Variants in DAZL observed in about 807,000 individuals in gnomAD.
The protein encoded by DAZL is deleted in azoospermia like.
A neutral mutation model predicts 45.0 loss-of-function variants in DAZL; 4 were observed. The ratio of observed to expected loss-of-function variants is 0.09; its 90% CI spans 0.04 to 0.20. DAZL has a LOEUF of 0.20. Ranked by LOEUF, DAZL falls within the 10% of genes least tolerant of loss-of-function variation. The pLI is 1.00. For missense variants in DAZL, 326 were observed against 351.3 expected, an observed-to-expected ratio of 0.93 and a Z score of 0.58; for synonymous variants, 122 against 112.4, an observed-to-expected ratio of 1.09 and a Z score of -0.54.
chr3:16,592,276 A>T (rs1694532690), intron 9 of DAZL, 128 bp from the exon 10 acceptor site: 22 of 1,401,890 alleles, frequency 1.6e-5, no homozygotes, highest in Non-Finnish European at 2.1e-5. Flanking sequence ...GCTAAAAGAG[A>T]CTGGGAGTGG....
At chr3:16,595,535 G>A (rs2195154) in intron 6 of DAZL, 150 bp from the exon 7 acceptor site, 74,903 of 528,806 alleles carry the variant, frequency 0.14, 7,221 homozygotes, top group East Asian at 0.41. Flanking sequence ...CTGACTTTAT[G>A]AAGAAAGAAA....
chr3:16,605,393 G>T lies in DAZL; in HGVS notation c.-188C>A, dbSNP rs928695225. ...ACAAGGCTGAGGAGCCCCGAAAGGC[G>T]GACCGTCAGGCTGAGGAGCGCAGGC... On this transcript the variant is annotated 5_prime_UTR_variant, in exon 1 of 11. Coordinates refer to ENST00000399444, the MANE Select transcript of DAZL (RefSeq NM_001351.4). The T allele has an allele frequency of 2.9e-5, 21 of 714,118 alleles. No individual in the cohort carries two copies. The highest frequency in any genetic ancestry group is 1.8e-4 in the African/African-American group (10 of 56,970). 44.2% of individuals were successfully genotyped at this position (714,118 alleles called of 1,614,324 possible). A position where few individuals can be genotyped will look rare whatever the true frequency, so the allele number is the denominator to read the frequency against.
intron 1 of DAZL, among the ~76,000 whole-genome samples, chr3:16,601,735 T>C (rs1184456100): frequency 6.6e-6 from 1 of 151,440 alleles, no homozygotes; most frequent in Non-Finnish European, 1.5e-5. Flanking sequence ...TGGTGAATTT[T>C]GAAATGAGAA....
intron 10 of DAZL, 50 bp from the exon 11 acceptor site, chr3:16,588,763 C>T: frequency 1.4e-6 from 2 of 1,427,892 alleles, no homozygotes; most frequent in Non-Finnish European, 2.0e-6. Context: ...TTTCTGATTA[C>T]TACTATAGAT....
chr3:16,604,941 C>A (rs1223269452), intron 1 of DAZL, among the ~76,000 whole-genome samples: 1 of 152,220 alleles, frequency 6.6e-6, no homozygotes, highest in Non-Finnish European at 1.5e-5. Flanking sequence ...GGCCCTTGCA[C>A]GTGGCCGGCG....
rs1415312531 is a variant in DAZL at position 16,588,524 on chromosome 3, G to C, written c.*136C>G. The C allele has an allele frequency of 5.5e-6, 4 of 730,762 alleles. No individual in the cohort carries two copies. Among genetic ancestry groups the C allele is most frequent in the South Asian group, 4.4e-5 (3 of 68,074 alleles). 45.3% of individuals were successfully genotyped at this position (730,762 alleles called of 1,614,324 possible). A position where few individuals can be genotyped will look rare whatever the true frequency, so the allele number is the denominator to read the frequency against. On this transcript the variant is annotated 3_prime_UTR_variant, in exon 11 of 11. Transcript: ENST00000399444. ...TGAAGAACAGTTTAAGATAAAACTA[G>C]AGAGTCTAATAATACAACTTATACA...
intron 1 of DAZL, among the ~76,000 whole-genome samples, chr3:16,603,698 T>A (rs1381887279): frequency 6.6e-6 from 1 of 152,188 alleles, no homozygotes; most frequent in Non-Finnish European, 1.5e-5. Context: ...GCGAATTCGG[T>A]AAAATAATGG....
chr3:16,592,062 A>T lies in DAZL; in HGVS notation c.822T>A (p.Asp274Glu), dbSNP rs370134721. Residue 274 changes from aspartate to glutamate, a missense_variant, in exon 10 of 11, where the codon GAT becomes GAA. Asp to Glu is a conservative substitution (Grantham distance 45, BLOSUM62 2). Coordinates refer to ENST00000399444, the MANE Select transcript of DAZL (RefSeq NM_001351.4). ...NRLRNSVVTQ[D>E]DYFKDKRVHH... ...GTTATATTCATACCTTGAAGTAGTC[A>T]TCTTGAGTAACAACAGAGTTTCTCA... 5.9e-5 allele frequency: 95 copies of T among 1,613,236 alleles called. No homozygotes were observed. Among genetic ancestry groups the T allele is most frequent in the Non-Finnish European group, 7.8e-5 (92 of 1,179,378 alleles).
chr3:16,593,806 T>C (rs1694557345), intron 8 of DAZL, 38 bp from the exon 9 acceptor site: 13 of 1,330,192 alleles, frequency 9.8e-6, no homozygotes, highest in African/African-American at 1.5e-5. Context: ...TAAACAGATA[T>C]ACAGATATAT....
intron 1 of DAZL, among the ~76,000 whole-genome samples, chr3:16,599,704 A>C (rs1694654471): frequency 6.6e-6 from 1 of 152,186 alleles, no homozygotes; most frequent in Non-Finnish European, 1.5e-5. Context: ...AACTGTCTTT[A>C]TTCTTTCCGC....
chr3:16,593,812 T>C, intron 8 of DAZL, 44 bp from the exon 9 acceptor site: 1 of 1,293,272 alleles, frequency 7.7e-7, no homozygotes, highest in Non-Finnish European at 1.1e-6. Context: ...GATATACAGA[T>C]ATATTTAAAA....
chr3:16,593,527 A>G, intron 9 of DAZL, 128 bp downstream of exon 9: 2 of 642,182 alleles, frequency 3.1e-6, no homozygotes, highest in Non-Finnish European at 5.4e-6. Flanking sequence ...AAGCCAGTCA[A>G]CTAACTCTTC....
chr3:16,604,543 G>A (rs1018687501), intron 1 of DAZL: 4 of 1,459,982 alleles, frequency 2.7e-6, no homozygotes, highest in Admixed American at 2.6e-5. Context: ...GGGGACCAGA[G>A]GCACTTCCGG....
chr3:16,590,131 T>C (rs1437773661), intron 10 of DAZL, among the ~76,000 whole-genome samples: 3 of 152,192 alleles, frequency 2.0e-5, no homozygotes, highest in Admixed American at 6.5e-5. Flanking sequence ...AGTACTACTG[T>C]AGACACCTAT....
intron 4 of DAZL, 148 bp from the exon 5 acceptor site, chr3:16,597,199 C>A: frequency 9.2e-7 from 1 of 1,091,496 alleles, no homozygotes; most frequent in South Asian, 1.5e-5. Context: ...CATCATGAAG[C>A]TACCTTACCC....
intron 1 of DAZL, chr3:16,604,671 G>A (rs1353637993): frequency 1.3e-5 from 18 of 1,357,016 alleles, no homozygotes; most frequent in Admixed American, 6.8e-5. Flanking sequence ...CACTTCCTAA[G>A]GAAGCTCCGG....
In DAZL at chr3:16,587,028, T is replaced by C. The variant is rs1388673425; in HGVS notation, c.*1632A>G. On this transcript the variant is annotated 3_prime_UTR_variant, in exon 11 of 11. Transcript: ENST00000399444. ...GTAGCTCTTTAGAATATAGATATCATTTATAGTAAGCTGGAGATTTAATCA... is the reference window on the plus strand; with the variant it reads ...GTAGCTCTTTAGAATATAGATATCACTTATAGTAAGCTGGAGATTTAATCA... 6.6e-6 allele frequency: 1 copy of C among 152,146 alleles called. No individual in the cohort carries two copies. The highest frequency in any genetic ancestry group is 1.5e-5 in the Non-Finnish European group (1 of 68,014). 9.4% of individuals were successfully genotyped at this position (152,146 alleles called of 1,614,324 possible).
At chr3:16,601,875 T>A (rs1218035223) in intron 1 of DAZL, among the ~76,000 whole-genome samples, 1 of 152,062 alleles carries the variant, frequency 6.6e-6, no homozygotes. Flanking sequence ...CTGGAAAAAA[T>A]TATTATGTAA....
At chr3:16,594,388 A>C in intron 8 of DAZL, 145 bp downstream of exon 8, 1 of 645,842 alleles carries the variant, frequency 1.5e-6, no homozygotes, top group Non-Finnish European at 2.5e-6. Context: ...GGTTAAAAAG[A>C]AAGTAACAAA....
Sources: allele counts gnomAD v4.1 joint callset (sites outside exome capture counted in the v4.1 genomes callset), GRCh38; gene constraint gnomAD v4.1.1; transcripts MANE v1.5; gene names NCBI Gene and HGNC (gene_info 2026-07-23, HGNC 2026-07-21).